The following SLC30A10 variants were observed in gnomAD, a reference collection of about 807,000 sequenced individuals.
SLC30A10 encodes the protein calcium/manganese antiporter SLC30A10.
Under a neutral mutation model 21.7 loss-of-function variants are expected in SLC30A10, and 8 were observed. The observed-to-expected ratio is 0.37, with a 90% CI of 0.22 to 0.67. SLC30A10 has a LOEUF of 0.67. Ranked by LOEUF, SLC30A10 falls within the 30% of genes least tolerant of loss-of-function variation. The probability of loss-of-function intolerance (pLI) is 0.58; values close to 1 mark genes in which losing one functional copy is unlikely to be tolerated. For missense variants in SLC30A10, 521 were observed against 642.5 expected (o/e 0.81, Z 2.04); for synonymous variants, 272 against 279.4 (o/e 0.97, Z 0.26).
At chr1:219,953,445 A>C (rs1660298843) in intron 1 of SLC30A10, among the ~76,000 whole-genome samples, 2 of 151,456 alleles carry the variant, frequency 1.3e-5, no homozygotes. Flanking sequence ...AAATACAAAA[A>C]ATTAGCCGGG....
chr1:219,940,274 G>A (rs917932835), intron 1 of SLC30A10, among the ~76,000 whole-genome samples: 2 of 152,202 alleles, frequency 1.3e-5, no homozygotes, highest in Non-Finnish European at 2.9e-5. Flanking sequence ...GGTCCAGCCA[G>A]CAGTCCTATA....
Position 219,915,944 on chromosome 1 carries a change from A to C in SLC30A10, c.963T>G (p.Ser321Arg). The C allele has an allele frequency of 2.5e-6, 4 of 1,611,888 alleles. No homozygotes were observed. The highest frequency in any genetic ancestry group is 3.4e-6 in the Non-Finnish European group (4 of 1,179,170). Residue 321 changes from serine to arginine, a missense_variant, in exon 4 of 4, where the codon AGT becomes AGG. Transcript: ENST00000366926. The stretch of plus-strand genomic sequence containing the variant: ...TAATTCCAGGCACAGCAGAGAGTTT[A>C]CTCACTATAACAGAGAAGAGCAAAC... ...PKGVNMEELM[S>R]KLSAVPGISS...
At chr1:219,933,650 C>T (rs985008276), upstream of SLC30A10, among the ~76,000 whole-genome samples, 1 of 152,142 alleles carries the variant, frequency 6.6e-6, no homozygotes, top group Non-Finnish European at 1.5e-5. Context: ...ATAAGAAAGG[C>T]TCAGTGAATA....
chr1:219,923,393 A>G (rs1659742095), intron 2 of SLC30A10, among the ~76,000 whole-genome samples: 1 of 152,218 alleles, frequency 6.6e-6, no homozygotes, highest in Admixed American at 6.5e-5. Context: ...TGGCAATTTG[A>G]CACAAGTTGA....
At position 219,918,618 on chromosome 1, in the gene SLC30A10, G is replaced by T; in HGVS notation, c.719-124C>A. ...TTGGAGTTTTTTGGTTTTTGTTTTG[G>T]TTAGAACAGTAGGATGAATCAAAAT... On this transcript the variant is annotated intron_variant, in intron 2 of 3. Coordinates refer to ENST00000366926, the MANE Select transcript of SLC30A10 (RefSeq NM_018713.3). This position sits in a 1 kb window ranked among gnomAD's most constrained non-coding sequence, Gnocchi z 4.4. The T allele has an allele frequency of 1.6e-6, 2 of 1,257,380 alleles. No individual in the cohort carries two copies. The highest frequency in any genetic ancestry group is 2.2e-6 in the Non-Finnish European group (2 of 925,244). 77.9% of individuals were successfully genotyped at this position (1,257,380 alleles called of 1,614,324 possible).
At chr1:219,921,419 A>G (rs777293710) in intron 2 of SLC30A10, among the ~76,000 whole-genome samples, 3 of 152,194 alleles carry the variant, frequency 2.0e-5, no homozygotes, top group African/African-American at 7.2e-5. Flanking sequence ...CTGACCAGAG[A>G]TCTACTGTGC....
At chr1:219,924,067 C>T (rs1177104595) in intron 2 of SLC30A10, among the ~76,000 whole-genome samples, 1 of 152,066 alleles carries the variant, frequency 6.6e-6, no homozygotes, top group Non-Finnish European at 1.5e-5. Flanking sequence ...TCTCAAAAAA[C>T]AAAACAAACA....
chr1:219,940,858 T>C (rs1660110753), intron 1 of SLC30A10, among the ~76,000 whole-genome samples: 1 of 152,176 alleles, frequency 6.6e-6, no homozygotes, highest in African/African-American at 2.4e-5. Context: ...TGAGACTATC[T>C]AACTCAGAGA....
chr1:219,942,040 C>T lies in SLC30A10; in HGVS notation n.81-14935G>A, dbSNP rs757113407. ...TTTCCTTTCTGAGTCTCTGCTGTGGCCATAAAAAGCAATAAAGATGGCCTG... is the reference window on the plus strand; with the variant it reads ...TTTCCTTTCTGAGTCTCTGCTGTGGTCATAAAAAGCAATAAAGATGGCCTG... On this transcript the variant is annotated intron_variant and non_coding_transcript_variant, in intron 1 of 8. Coordinates refer to the SLC30A10 transcript ENST00000484239. Among the ~76,000 whole-genome samples the T allele has an allele frequency of 2.6e-5, 4 of 152,112 alleles. No individual in the cohort carries two copies. In the South Asian group the frequency reaches 8.3e-4, roughly 32 times the overall value.
At chr1:219,947,700 CA>C (rs902067143) in intron 1 of SLC30A10, among the ~76,000 whole-genome samples, 59 of 152,186 alleles carry the variant, frequency 3.9e-4, no homozygotes, top group African/African-American at 1.3e-3. Context: ...CACCTGTAAT[CA>C]CGCCTGTAAT....
chr1:219,922,890 TC>T (rs1453533061), intron 2 of SLC30A10, among the ~76,000 whole-genome samples: 1 of 152,170 alleles, frequency 6.6e-6, no homozygotes, highest in East Asian at 1.9e-4. Context: ...GAGATGAAGT[TC>T]CTTGCCCAAG....
intron 1 of SLC30A10, among the ~76,000 whole-genome samples, chr1:219,939,510 C>A (rs544259522): frequency 1.3e-5 from 2 of 152,026 alleles, no homozygotes; most frequent in Non-Finnish European, 2.9e-5. Flanking sequence ...ATCGCTGCAA[C>A]CTCCACCCCC....
intron 1 of SLC30A10, among the ~76,000 whole-genome samples, chr1:219,957,792 A>C (rs1318204293): frequency 6.8e-6 from 1 of 146,786 alleles, no homozygotes; most frequent in Non-Finnish European, 1.5e-5. Flanking sequence ...TGTGGCAATA[A>C]ATTAAAGAAA....
chr1:219,927,861 G>A lies in SLC30A10; in HGVS notation c.580C>T (p.Arg194Trp), dbSNP rs1258197136. 23 of 1,545,872 alleles carry A rather than the reference G, an allele frequency of 1.5e-5. No homozygotes were observed. The highest frequency in any genetic ancestry group is 2.5e-5 in the East Asian group (1 of 39,220). Residue 194 changes from arginine to tryptophan, a missense_variant, in exon 1 of 4, where the codon CGG becomes TGG. Arg to Trp is a moderately radical substitution (Grantham distance 101). Transcript: ENST00000366926. The part of the protein sequence containing the change: ...APGSDSAVTL[R>W]GTSVERKREK... ...CGCTTCCTTTCCACCGAGGTCCCCCGGAGGGTTACGGCCGAGTCCGAGCCT... is the reference window on the plus strand; with the variant it reads ...CGCTTCCTTTCCACCGAGGTCCCCCAGAGGGTTACGGCCGAGTCCGAGCCT...
intron 1 of SLC30A10, among the ~76,000 whole-genome samples, chr1:219,934,928 G>A (rs1660026538): frequency 6.6e-6 from 1 of 152,166 alleles, no homozygotes; most frequent in Non-Finnish European, 1.5e-5. Context: ...TTGTCAAGGG[G>A]ACAAGGGTAA....
intron 2 of SLC30A10, among the ~76,000 whole-genome samples, chr1:219,925,647 ATATATTT>A (rs1188690168): frequency 2.9e-5 from 2 of 68,032 alleles, no homozygotes; most frequent in Non-Finnish European, 4.8e-5. Flanking sequence ...ATATATATAT[ATATATTT>A]TTTTTTTTTT....
chr1:219,915,793 G>A lies in SLC30A10; in HGVS notation c.1114C>T (p.His372Tyr), dbSNP rs1335834087. The A allele has an allele frequency of 1.9e-6, 3 of 1,614,198 alleles. No homozygotes were observed. The African/African-American group carries it at 4.0e-5, about 22-fold the overall frequency. Residue 372 changes from histidine (H) to tyrosine (Y), a missense_variant, in exon 4 of 4, where the codon CAT (histidine) becomes TAT (tyrosine). By Grantham distance (83) the His-to-Tyr change is moderately conservative (BLOSUM62 2). Transcript: ENST00000366926. ...ASTKIREIFH[H>Y]AGIHNVTIQF... ...ATGGTCACATTGTGGATTCCCGCAT[G>A]GTGGAAGATTTCTCGAATTTTTGTG...
At chr1:219,957,459 T>C (rs1048803717) in intron 1 of SLC30A10, among the ~76,000 whole-genome samples, 1 of 152,232 alleles carries the variant, frequency 6.6e-6, no homozygotes, top group Non-Finnish European at 1.5e-5. Context: ...AGGAAATATT[T>C]GAAATTTTTA....
At chr1:219,948,588 T>C (rs1660222889) in intron 1 of SLC30A10, among the ~76,000 whole-genome samples, 1 of 152,168 alleles carries the variant, frequency 6.6e-6, no homozygotes, top group African/African-American at 2.4e-5. Context: ...GATCCCTTCC[T>C]TACACCTTAT....
Sources: allele counts gnomAD v4.1 joint callset (sites outside exome capture counted in the v4.1 genomes callset), GRCh38; gene constraint gnomAD v4.1.1; non-coding constraint Gnocchi (gnomAD v3.1); transcripts MANE v1.5; gene names NCBI Gene and HGNC (gene_info 2026-07-23, HGNC 2026-07-21).